Variants in TMF1 observed in about 807,000 individuals in gnomAD.
The protein encoded by TMF1 is TATA element modulatory factor.
TMF1 carries 71 observed loss-of-function variants against 126.5 expected under a neutral mutation model. The ratio of observed to expected loss-of-function variants is 0.56; its 90% confidence interval spans 0.46 to 0.68. The LOEUF (loss-of-function observed/expected upper bound fraction) is 0.68, where lower values mean the gene tolerates loss of function less well. TMF1 is among the 30% of genes least tolerant of loss of function. TMF1 has a pLI of 0.00. For missense variants in TMF1, 1,259 were observed against 1,253.2 expected (o/e 1.00, Z -0.07); for synonymous variants, 461 against 430.5 (o/e 1.07, Z -0.88).
Position 69,048,122 on chromosome 3 carries a change from T to A in TMF1, c.583A>T (p.Lys195Ter). 1 of 1,614,226 alleles carries A rather than the reference T, an allele frequency of 6.2e-7. No individual in the cohort carries two copies. Among genetic ancestry groups the A allele is most frequent in the South Asian group, 1.1e-5 (1 of 91,086 alleles). The change falls in exon 2 of 17, where the codon AAA becomes TAA. Residue 195 changes from lysine (K) to a stop codon, truncating the protein, a stop_gained. Coordinates refer to ENST00000398559, the MANE Select transcript of TMF1 (RefSeq NM_007114.3). LOFTEE classifies it high-confidence loss of function. The stretch of plus-strand genomic sequence containing the variant: ...ACATCAATTACACTTTCAGATACTT[T>A]CAAACTTACAGTTGGCACCTTCATA... ...SDMKVPTVSL[K>*]VSESVIDVKT...
rs749492783 is a variant in TMF1 at position 69,023,367 on chromosome 3, A to T, written c.3139-47T>A. 16 of 1,458,394 alleles carry T rather than the reference A, an allele frequency of 1.1e-5. No individual in the cohort carries two copies. In the Admixed American group the frequency reaches 3.0e-4, roughly 27 times the overall value. The allele number at this position is 1,458,394 out of a possible 1,614,324, so 90.3% of individuals were successfully genotyped here. ...AATTTTTAAAATAACTACACAGAACATCTTTAATATTTATATTGCCATAGG... is the reference window on the plus strand; with the variant it reads ...AATTTTTAAAATAACTACACAGAACTTCTTTAATATTTATATTGCCATAGG... On this transcript the variant is annotated intron_variant, in intron 16 of 16. Coordinates refer to ENST00000398559, the MANE Select transcript of TMF1 (RefSeq NM_007114.3).
Position 69,047,886 on chromosome 3 carries a change from C to G in TMF1, c.819G>C (p.Ala273=). ...DHESVISESS[A]SSRQETTDSK... The stretch of plus-strand genomic sequence containing the variant: ...AATCTGTAGTCTCTTGTCTCGAGCT[C>G]GCTGAGCTCTCACTTATTACACTTT... The change falls in exon 2 of 17, where the codon GCG becomes GCC. Residue 273 remains alanine, a synonymous_variant. Transcript: ENST00000398559. 1 of 1,613,856 alleles carries G rather than the reference C, an allele frequency of 6.2e-7. No individual in the cohort carries two copies. The highest frequency in any genetic ancestry group is 1.1e-5 in the South Asian group (1 of 91,070).
chr3:69,042,083 C>G (rs1313775869), intron 5 of TMF1, among the ~76,000 whole-genome samples: 3 of 152,110 alleles, frequency 2.0e-5, no homozygotes, highest in African/African-American at 4.8e-5. Flanking sequence ...GTCGCCCAGG[C>G]TGCAGTACAG....
rs1406062469 is a variant in TMF1 at position 69,029,943 on chromosome 3, A to T, written c.2466T>A (p.Leu822=). 1 of 1,614,184 alleles carries T rather than the reference A, an allele frequency of 6.2e-7. No individual in the cohort carries two copies. The highest frequency in any genetic ancestry group is 8.5e-7 in the Non-Finnish European group (1 of 1,180,024). ...TGGAAGACATCTGAATTTTGTTAGC[A>T]AGGAGTTCTTCTGTAGCTGCACGTT... The part of the protein sequence containing the change: ...ERERAATEEL[L]ANKIQMSSME... Residue 822 remains leucine, a synonymous_variant, in exon 11 of 17, where the codon CTT becomes CTA. Coordinates refer to ENST00000398559, the MANE Select transcript of TMF1 (RefSeq NM_007114.3).
Position 69,047,498 on chromosome 3 carries a change from C to A in TMF1, c.1207G>T (p.Val403Phe). The stretch of plus-strand genomic sequence containing the variant: ...AAGATATCAGGCTGTTCACAGTTAA[C>A]AGGAGTTGCACTTCGTCCACTTTCT... Reference protein sequence around the residue: ...MEESGRSATPVNCEQPDILVS... With the variant: ...MEESGRSATPFNCEQPDILVS... The change falls in exon 2 of 17, where the codon GTT becomes TTT. Residue 403 changes from valine to phenylalanine, a missense_variant. Physicochemically the swap from Val to Phe is conservative, Grantham distance 50. Transcript: ENST00000398559. The A allele has an allele frequency of 6.2e-7, 1 of 1,614,198 alleles. No individual in the cohort carries two copies. The highest frequency in any genetic ancestry group is 2.2e-5 in the East Asian group (1 of 44,880).
chr3:69,028,411 C>G (rs1182645751), intron 11 of TMF1, 116 bp from the exon 12 acceptor site: 7 of 640,536 alleles, frequency 1.1e-5, no homozygotes, highest in Non-Finnish European at 1.8e-5. Flanking sequence ...ATTTTTATTA[C>G]CAGCTTGACA....
rs2091852573 is a variant in TMF1, at chr3:69,039,651, A to G, written c.1727T>C (p.Ile576Thr). The change falls in exon 6 of 17, where the codon ATC becomes ACC. Residue 576 changes from isoleucine to threonine, a missense_variant. Transcript: ENST00000398559. Reference protein sequence around the residue: ...SKQQLHNSNIIKKLRAKDKEN... With the variant: ...SKQQLHNSNITKKLRAKDKEN... ...CTTGTCTTTAGCTCTTAATTTCTTG[A>G]TGATGTTAGAATTGTGCAGCTGCTG... is the stretch of plus-strand genomic sequence containing the variant. 1 of 1,613,404 alleles carries G rather than the reference A, an allele frequency of 6.2e-7. No homozygotes were observed. The highest frequency in any genetic ancestry group is 8.5e-7 in the Non-Finnish European group (1 of 1,179,862).
chr3:69,043,957 A>C, intron 3 of TMF1, 81 bp from the exon 4 acceptor site: 1 of 1,217,732 alleles, frequency 8.2e-7, no homozygotes, highest in South Asian at 1.8e-5. Flanking sequence ...CTCAAAAGGA[A>C]GATAACTTTT....
chr3:69,030,338 T>C (rs2091792198), intron 10 of TMF1: 1 of 187,742 alleles, frequency 5.3e-6, no homozygotes. Context: ...TTCACGAAAA[T>C]TAACTCAAAA....
intron 9 of TMF1, among the ~76,000 whole-genome samples, chr3:69,034,449 G>A (rs2091821537): frequency 1.3e-5 from 2 of 151,984 alleles, no homozygotes; most frequent in Non-Finnish European, 2.9e-5. Flanking sequence ...CTCCTGCCTG[G>A]GCAACAGAGC....
intron 3 of TMF1, 46 bp from the exon 4 acceptor site, chr3:69,043,922 C>A (rs1262287457): frequency 2.0e-6 from 3 of 1,509,884 alleles, no homozygotes; most frequent in Admixed American, 1.9e-5. Flanking sequence ...GTCTATATAT[C>A]CCAAAGGTAT....
In TMF1 at chr3:69,039,787, AT is replaced by A. The variant is rs1402804348; in HGVS notation, c.1685-95del. 8 of 1,369,528 alleles carry A rather than the reference AT, an allele frequency of 5.8e-6. No homozygotes were observed. In the African/African-American group the frequency reaches 1.2e-4, roughly 20 times the overall value. The allele number at this position is 1,369,528 out of a possible 1,614,324, so 84.8% of individuals were successfully genotyped here. On this transcript the variant is annotated intron_variant, in intron 5 of 16. Coordinates refer to ENST00000398559, the MANE Select transcript of TMF1 (RefSeq NM_007114.3). Reference sequence around the variant, plus strand: ...TCTAATAGTAACATAAAAGAACAGAATTTTTTTAAATTACAATTTTGTAACC... The same window carrying A: ...TCTAATAGTAACATAAAAGAACAGAATTTTTTAAATTACAATTTTGTAACC...
chr3:69,051,506 C>G (rs2091928822), intron 1 of TMF1, among the ~76,000 whole-genome samples: 1 of 152,172 alleles, frequency 6.6e-6, no homozygotes, highest in East Asian at 1.9e-4. Context: ...TACGCGCTAC[C>G]AAGCGCGAAA....
At chr3:69,041,166 A>G (rs2091862480) in intron 5 of TMF1, among the ~76,000 whole-genome samples, 1 of 152,226 alleles carries the variant, frequency 6.6e-6, no homozygotes, top group South Asian at 2.1e-4. Context: ...CCATGCAGTT[A>G]GCCTTCCCCT....
In TMF1 at chr3:69,052,228, C is replaced by T. The variant is rs2091935437; in HGVS notation, c.-142G>A. On this transcript the variant is annotated 5_prime_UTR_variant, in exon 1 of 17. Coordinates refer to ENST00000398559, the MANE Select transcript of TMF1 (RefSeq NM_007114.3). ...GTGTGGCCATTACCCCGACAGCCTC[C>T]CGCGAGCCCGGGATGTTACCCTCGG... is the stretch of plus-strand genomic sequence containing the variant. The T allele has an allele frequency of 2.2e-6, 2 of 920,770 alleles. No homozygotes were observed. Among genetic ancestry groups the T allele is most frequent in the South Asian group, 1.9e-5 (1 of 53,980 alleles). 57.0% of individuals were successfully genotyped at this position (920,770 alleles called of 1,614,324 possible).
rs762003130 is a variant in TMF1, at chr3:69,047,903, T to C, written c.802A>G (p.Ile268Val). 4 of 1,613,836 alleles carry C rather than the reference T, an allele frequency of 2.5e-6. No homozygotes were observed. The highest frequency in any genetic ancestry group is 1.1e-5 in the South Asian group (1 of 91,086). ...CTCGAGCTCGCTGAGCTCTCACTTA[T>C]TACACTTTCATGATCTAAAACTTCA... ...DIEVLDHESV[I>V]SESSASSRQE... Residue 268 changes from isoleucine (I) to valine (V), a missense_variant, in exon 2 of 17, where the codon ATA (isoleucine) becomes GTA (valine). Ile to Val is a conservative substitution (Grantham distance 29). Transcript: ENST00000398559.
rs779082423 is a variant in TMF1, at chr3:69,048,136, G to A, written c.569C>T (p.Pro190Leu). ...TTCAGATACTTTCAAACTTACAGTT[G>A]GCACCTTCATATCCGATTCTTTATT... ...TVNKESDMKV[P>L]TVSLKVSESV... Residue 190 changes from proline to leucine, a missense_variant, in exon 2 of 17, where the codon CCA becomes CTA. Pro to Leu is a moderately conservative substitution (Grantham distance 98). Transcript: ENST00000398559. 7 of 1,614,116 alleles carry A rather than the reference G, an allele frequency of 4.3e-6. No homozygotes were observed. The highest frequency in any genetic ancestry group is 5.9e-6 in the Non-Finnish European group (7 of 1,180,018).
At chr3:69,028,071 A>G in intron 12 of TMF1, 79 bp from the exon 13 acceptor site, 1 of 1,129,182 alleles carries the variant, frequency 8.9e-7, no homozygotes, top group Non-Finnish European at 1.3e-6. Context: ...AGTTAGAAGC[A>G]TAAAGTATAA....
In TMF1 at chr3:69,021,637, T is replaced by A. The variant is rs1225758863; in HGVS notation, c.*1540A>T. The stretch of plus-strand genomic sequence containing the variant: ...CAAGATGGTGTACTTGTATCTATAT[T>A]CTGAAGTACTAGTGTTTTAATTTTA... On this transcript the variant is annotated 3_prime_UTR_variant, in exon 17 of 17. Transcript: ENST00000398559. The A allele has an allele frequency of 6.6e-6, 1 of 151,944 alleles. No homozygotes were observed. The highest frequency in any genetic ancestry group is 2.4e-5 in the African/African-American group (1 of 41,408). 9.4% of individuals were successfully genotyped at this position (151,944 alleles called of 1,614,324 possible). A position where few individuals can be genotyped will look rare whatever the true frequency, so the allele number is the denominator to read the frequency against.
Sources: allele counts gnomAD v4.1 joint callset (sites outside exome capture counted in the v4.1 genomes callset), GRCh38; gene constraint gnomAD v4.1.1; transcripts MANE v1.5; gene names NCBI Gene and HGNC (gene_info 2026-07-23, HGNC 2026-07-21).